RALGAPB: variants seen among roughly 807,000 people sequenced by gnomAD.
RALGAPB encodes the protein ral GTPase-activating protein subunit beta.
In RALGAPB, 25 loss-of-function variants were observed where a neutral mutation model predicts 161.1. The observed-to-expected ratio is 0.16, with a 90% CI of 0.11 to 0.22. RALGAPB has a LOEUF of 0.22. RALGAPB is among the 10% of genes least tolerant of loss of function. RALGAPB has a pLI of 1.00. For missense variants in RALGAPB, 1,391 were observed against 1,815.2 expected, an observed-to-expected ratio of 0.77 and a Z score of 4.25; for synonymous variants, 629 against 626.1, an observed-to-expected ratio of 1.00 and a Z score of -0.07.
chr20:38,507,559 A>G (rs572027159), intron 5 of RALGAPB, among the ~76,000 whole-genome samples: 5 of 152,132 alleles, frequency 3.3e-5, no homozygotes, highest in African/African-American at 9.6e-5. Context: ...TATTTTTTGT[A>G]AAGATGAGGT....
At chr20:38,490,616 A>C (rs1259928361) in intron 2 of RALGAPB, among the ~76,000 whole-genome samples, 1 of 139,946 alleles carries the variant, frequency 7.1e-6, no homozygotes, top group South Asian at 2.3e-4. Flanking sequence ...AAGCGATTCT[A>C]CTGCCTCAGC....
intron 2 of RALGAPB, among the ~76,000 whole-genome samples, chr20:38,491,346 C>G (rs2085273878): frequency 6.6e-6 from 1 of 150,600 alleles, no homozygotes; most frequent in South Asian, 2.1e-4. Flanking sequence ...TTTTTTTTTC[C>G]CCTAAGTTAG....
intron 1 of RALGAPB, among the ~76,000 whole-genome samples, chr20:38,476,491 C>A (rs1204878670): frequency 6.6e-6 from 1 of 152,262 alleles, no homozygotes; most frequent in Non-Finnish European, 1.5e-5. Flanking sequence ...CTTTCGCCCC[C>A]GACCCCTTCC....
In RALGAPB at chr20:38,505,228, A is replaced by G. The variant is rs147686374; in HGVS notation, c.741-3849A>G. Reference sequence around the variant, plus strand: ...AAAGAAAATGTGGCACATATGCACCATGGAATACTATGCAGCCATGAAAAA... The same window carrying G: ...AAAGAAAATGTGGCACATATGCACCGTGGAATACTATGCAGCCATGAAAAA... On this transcript the variant is annotated intron_variant, in intron 5 of 29. Transcript: ENST00000262879. Among the ~76,000 whole-genome samples, 64 of 152,368 alleles carry G rather than the reference A, an allele frequency of 4.2e-4. No homozygotes were observed. In the East Asian group the frequency reaches 0.012, roughly 28 times the overall value.
rs2145563978 is a variant in RALGAPB, at chr20:38,576,845, A to C, written c.*1878A>C. On this transcript the variant is annotated 3_prime_UTR_variant, in exon 30 of 30. Transcript: ENST00000262879. ...TAATATGTAACTTACAGCATTCCAG[A>C]GGTTAAAAATAACTGATGCAGATGT... 6.5e-6 allele frequency: 1 copy of C among 152,802 alleles called. No individual in the cohort carries two copies. Among genetic ancestry groups the C allele is most frequent in the East Asian group, 1.9e-4 (1 of 5,192 alleles). The allele number at this position is 152,802 out of a possible 1,614,324, so 9.5% of individuals were successfully genotyped here. A position where few individuals can be genotyped will look rare whatever the true frequency, so the allele number is the denominator to read the frequency against.
chr20:38,531,396 G>T (rs886861777), intron 14 of RALGAPB, among the ~76,000 whole-genome samples, 165 bp downstream of exon 14: 1 of 152,066 alleles, frequency 6.6e-6, no homozygotes, highest in African/African-American at 2.4e-5. Context: ...TTTGAGGTTT[G>T]CTTTTCAGTG....
intron 22 of RALGAPB, among the ~76,000 whole-genome samples, chr20:38,556,107 C>T (rs1249530127): frequency 6.6e-6 from 1 of 152,132 alleles, no homozygotes; most frequent in Non-Finnish European, 1.5e-5. Flanking sequence ...TAAGCCAGCA[C>T]TACTAGTGTA....
At chr20:38,573,124 G>T (rs1411371558) in intron 28 of RALGAPB, among the ~76,000 whole-genome samples, 3 of 149,984 alleles carry the variant, frequency 2.0e-5, no homozygotes, top group Non-Finnish European at 3.0e-5. Flanking sequence ...TGGGCACAAG[G>T]TATCACCATG....
intron 29 of RALGAPB, 52 bp from the exon 30 acceptor site, chr20:38,574,722 C>CT: frequency 3.3e-6 from 5 of 1,495,682 alleles, no homozygotes; most frequent in Non-Finnish European, 4.7e-6. Context: ...TACAGTTCAC[C>CT]TACGTAAGTG....
In RALGAPB at chr20:38,556,630, A is replaced by C. The variant is rs1710311052; in HGVS notation, c.3373-1665A>C. 5.9e-5 allele frequency among the ~76,000 whole-genome samples: 9 copies of C among 152,300 alleles called. No individual in the cohort carries two copies. The South Asian group carries it at 1.9e-3, about 32-fold the overall frequency. On this transcript the variant is annotated intron_variant, in intron 22 of 29. Transcript: ENST00000262879. ...TTAACAAACTATGTACAAGACCTAGAGGAAGAAACTTTTAACAATTATTAA... is the reference window on the plus strand; with the variant it reads ...TTAACAAACTATGTACAAGACCTAGCGGAAGAAACTTTTAACAATTATTAA...
At chr20:38,480,473 G>A (rs1428866882) in intron 1 of RALGAPB, among the ~76,000 whole-genome samples, 1 of 145,178 alleles carries the variant, frequency 6.9e-6, no homozygotes, top group African/African-American at 2.6e-5. Flanking sequence ...TGCAACCTCC[G>A]CCTCCTGGGT....
chr20:38,515,357 T>G (rs1487865655), intron 6 of RALGAPB, among the ~76,000 whole-genome samples: 1 of 152,226 alleles, frequency 6.6e-6, no homozygotes, highest in African/African-American at 2.4e-5. Context: ...TTTCTCAGCC[T>G]AGTTCTTTTG....
At chr20:38,503,833 G>T (rs2085668142) in intron 5 of RALGAPB, among the ~76,000 whole-genome samples, 1 of 152,134 alleles carries the variant, frequency 6.6e-6, no homozygotes, top group South Asian at 2.1e-4. Context: ...TTTAAAAACT[G>T]CCACAGCCAC....
chr20:38,509,598 C>CCAATAG (rs1230096646), intron 6 of RALGAPB, among the ~76,000 whole-genome samples: 1 of 152,180 alleles, frequency 6.6e-6, no homozygotes, highest in Non-Finnish European at 1.5e-5. Flanking sequence ...GAGCCCTCCT[C>CCAATAG]CAATAGCCTG....
At chr20:38,478,354 A>G (rs1259498207) in intron 1 of RALGAPB, among the ~76,000 whole-genome samples, 2 of 152,238 alleles carry the variant, frequency 1.3e-5, no homozygotes, top group Non-Finnish European at 2.9e-5. Flanking sequence ...AAATGAAGTA[A>G]CATGTAAAAG....
chr20:38,546,181 G>C, intron 18 of RALGAPB, 62 bp from the exon 19 acceptor site: 1 of 1,605,856 alleles, frequency 6.2e-7, no homozygotes, highest in Non-Finnish European at 8.5e-7. Flanking sequence ...ACACATTGAT[G>C]CACAAGGTAA....
rs745333861 is a variant in RALGAPB at position 38,532,811 on chromosome 20, A to C, written c.2197A>C (p.Thr733Pro). 1 of 1,614,218 alleles carries C rather than the reference A, an allele frequency of 6.2e-7. No individual in the cohort carries two copies. Among genetic ancestry groups the C allele is most frequent in the South Asian group, 1.1e-5 (1 of 91,086 alleles). ...SSASGGSTEP[T>P]TPDSERPAQA... ...AGCAAGTGGTGGAAGCACGGAGCCCACGACTCCCGATAGTGAGAGACCTGC... is the reference window on the plus strand; with the variant it reads ...AGCAAGTGGTGGAAGCACGGAGCCCCCGACTCCCGATAGTGAGAGACCTGC... The change falls in exon 15 of 30, where the codon ACG (threonine) becomes CCG (proline). Residue 733 changes from threonine (T) to proline (P), a missense_variant. By Grantham distance (38) the Thr-to-Pro change is conservative. This residue lies in a region of RALGAPB where 946 missense variants were observed against 1,257.2 expected (regional missense o/e 0.75). Transcript: ENST00000262879.
At chr20:38,523,206 G>A (rs1353491490) in intron 10 of RALGAPB, among the ~76,000 whole-genome samples, 2 of 152,006 alleles carry the variant, frequency 1.3e-5, no homozygotes. Context: ...GTGACCATCA[G>A]GACCAATTAG....
chr20:38,492,978 G>A lies in RALGAPB; in HGVS notation c.235G>A (p.Asp79Asn). ...VICYGLTLPL[D>N]GETVKYCVDV... The stretch of plus-strand genomic sequence containing the variant: ...TTGCTATGGACTGACCCTTCCATTG[G>A]ATGGAGAGACTGTAAAATATTGCGT... Residue 79 changes from aspartate to asparagine, a missense_variant, in exon 3 of 30, where the codon GAT (aspartate) becomes AAT (asparagine). Asp to Asn is a conservative substitution (Grantham distance 23). This residue lies in a region of RALGAPB where 946 missense variants were observed against 1,257.2 expected (regional missense o/e 0.75). Transcript: ENST00000262879. The A allele has an allele frequency of 6.2e-7, 1 of 1,612,888 alleles. No homozygotes were observed. The highest frequency in any genetic ancestry group is 8.5e-7 in the Non-Finnish European group (1 of 1,179,036).
Sources: gnomAD v4.1 joint callset for allele counts (sites outside exome capture counted in the v4.1 genomes callset) on GRCh38, gnomAD v4.1.1 for gene constraint, gnomAD v4.1.1 regional missense constraint, MANE v1.5 for transcripts, NCBI Gene and HGNC (gene_info 2026-07-23, HGNC 2026-07-21) for gene names.